The following PSD2 variants were observed in gnomAD, a reference collection of about 807,000 sequenced individuals.
PSD2 encodes the protein PH and SEC7 domain-containing protein 2.
A neutral mutation model predicts 69.8 loss-of-function variants in PSD2; 38 were observed. The observed-to-expected ratio is 0.54, with a 90% CI of 0.42 to 0.71. The LOEUF is 0.71. Ranked by LOEUF, PSD2 falls within the 30% of genes least tolerant of loss-of-function variation. The pLI, the probability that PSD2 is intolerant of heterozygous loss-of-function variation, is 0.00. For missense variants in PSD2, 943 were observed against 1,014.5 expected (o/e 0.93, Z 0.96); for synonymous variants, 412 against 423.0 (o/e 0.97, Z 0.32).
Position 139,795,931 on chromosome 5 carries a change from T to A in PSD2, c.-95T>A, listed in dbSNP as rs1359155066. ...GGACAGGCAGCCCGGCGGCCTCCGA[T>A]GGCCCCGCCGTGAGAGGCCGGACCC... is the stretch of plus-strand genomic sequence containing the variant. On this transcript the variant is annotated 5_prime_UTR_variant, in exon 1 of 15. An upstream start codon of the reference 5' UTR is lost. Transcript: ENST00000274710. The surrounding 1 kb of genome is among the most constrained non-coding windows in gnomAD (Gnocchi z 4.5). 3 of 150,100 alleles carry A rather than the reference T, an allele frequency of 2.0e-5. No homozygotes were observed. Among genetic ancestry groups the A allele is most frequent in the Non-Finnish European group, 4.5e-5 (3 of 67,220 alleles). The allele number at this position is 150,100 out of a possible 1,614,324, so 9.3% of individuals were successfully genotyped here. A position where few individuals can be genotyped will look rare whatever the true frequency, so the allele number is the denominator to read the frequency against.
rs1212505484 is a variant in PSD2, at chr5:139,843,981, G to A, written c.*1507G>A. Reference sequence around the variant, plus strand: ...CAGGCCCACTCACATTTGAGGCAAGGGGCTATTGAGTATGTGGAGAGATGT... The same window carrying A: ...CAGGCCCACTCACATTTGAGGCAAGAGGCTATTGAGTATGTGGAGAGATGT... On this transcript the variant is annotated 3_prime_UTR_variant, in exon 15 of 15. Coordinates refer to ENST00000274710, the MANE Select transcript of PSD2 (RefSeq NM_032289.4). 6.6e-6 allele frequency: 1 copy of A among 152,230 alleles called. No individual in the cohort carries two copies. Among genetic ancestry groups the A allele is most frequent in the East Asian group, 1.9e-4 (1 of 5,206 alleles). 9.4% of individuals were successfully genotyped at this position (152,230 alleles called of 1,614,324 possible). A position where few individuals can be genotyped will look rare whatever the true frequency, so the allele number is the denominator to read the frequency against.
In PSD2 at chr5:139,837,230, C is replaced by T. The variant is rs1760749688; in HGVS notation, c.1657C>T (p.Leu553=). ...AGTGCTCAAAGGGACCATCCTGTAC[C>T]TGCAGAAGGTGAGAGACTGCCCCAG... ...YAVLKGTILY[L]QKDEYRPDKA... Residue 553 remains leucine, a synonymous_variant, in exon 11 of 15, where the codon CTG becomes TTG. Coordinates refer to ENST00000274710, the MANE Select transcript of PSD2 (RefSeq NM_032289.4). The surrounding 1 kb of genome is among the most constrained non-coding windows in gnomAD (Gnocchi z 5.0). The T allele has an allele frequency of 3.1e-6, 5 of 1,613,950 alleles. No individual in the cohort carries two copies. The African/African-American group carries it at 4.0e-5, about 13-fold the overall frequency.
the PSD2 span, among the ~76,000 whole-genome samples, chr5:139,764,607 C>G: frequency 6.6e-6 from 1 of 152,198 alleles, no homozygotes; most frequent in Admixed American, 6.5e-5. Context: ...GCGCGCCGCC[C>G]TCCCCCGGCG....
At chr5:139,790,733 T>C in the PSD2 span, among the ~76,000 whole-genome samples, 4 of 152,156 alleles carry the variant, frequency 2.6e-5, no homozygotes, top group Non-Finnish European at 5.9e-5. Flanking sequence ...TCTAGCACCA[T>C]GTACAAACTT....
chr5:139,795,413 C>T (rs1042449394), upstream of PSD2, among the ~76,000 whole-genome samples: 39 of 152,064 alleles, frequency 2.6e-4, no homozygotes, highest in Non-Finnish European at 1.2e-4. The surrounding 1 kb of genome is among the most constrained non-coding windows in gnomAD (Gnocchi z 4.5). Context: ...GACCCGCCCC[C>T]TCCTTCACCT....
chr5:139,815,708 T>G (rs1005151660), intron 4 of PSD2, among the ~76,000 whole-genome samples: 26 of 152,244 alleles, frequency 1.7e-4, no homozygotes, highest in Non-Finnish European at 3.4e-4. Flanking sequence ...TTATGAAAAT[T>G]TCAGGCCGGG....
the PSD2 span, among the ~76,000 whole-genome samples, chr5:139,763,314 G>A: frequency 1.4e-4 from 22 of 152,056 alleles, no homozygotes; most frequent in African/African-American, 4.6e-4. Context: ...TGTTCTTCAC[G>A]TCACTCTGAA....
the PSD2 span, among the ~76,000 whole-genome samples, chr5:139,787,663 G>T: frequency 6.6e-6 from 1 of 152,232 alleles, no homozygotes; most frequent in African/African-American, 2.4e-5. Context: ...AGCCCCCGTC[G>T]CTGGCCTTCC....
the PSD2 span, among the ~76,000 whole-genome samples, chr5:139,763,916 C>T: frequency 6.6e-6 from 1 of 152,198 alleles, no homozygotes; most frequent in African/African-American, 2.4e-5. Context: ...CCTCCCTCAT[C>T]TGTGCTTCGG....
At chr5:139,829,467 C>T (rs760451858) in intron 7 of PSD2, among the ~76,000 whole-genome samples, 2 of 152,142 alleles carry the variant, frequency 1.3e-5, no homozygotes, top group Admixed American at 6.6e-5. Context: ...AAAAGGAAAC[C>T]CCATACCCAT....
At chr5:139,776,880 C>T in the PSD2 span, among the ~76,000 whole-genome samples, 5 of 152,168 alleles carry the variant, frequency 3.3e-5, no homozygotes, top group Admixed American at 6.6e-5. Flanking sequence ...CTAACCCTCC[C>T]GACAATGGGC....
chr5:139,808,625 T>C (rs1678679540), intron 1 of PSD2, among the ~76,000 whole-genome samples: 1 of 152,182 alleles, frequency 6.6e-6, no homozygotes, highest in East Asian at 1.9e-4. Flanking sequence ...GGGTGAGCTC[T>C]GATGGGGGCC....
At chr5:139,838,060 G>A (rs970437738) in intron 12 of PSD2, among the ~76,000 whole-genome samples, 1 of 152,226 alleles carries the variant, frequency 6.6e-6, no homozygotes. Context: ...TGCTGAGTGC[G>A]CTGGAGTCTG....
the PSD2 span, chr5:139,742,576 G>T: frequency 6.5e-6 from 1 of 152,702 alleles, no homozygotes; most frequent in Admixed American, 6.5e-5. Flanking sequence ...TGCTCAGGTA[G>T]GGCCATGAGT....
the PSD2 span, among the ~76,000 whole-genome samples, chr5:139,768,124 G>A: frequency 2.0e-5 from 3 of 152,340 alleles, no homozygotes; most frequent in Non-Finnish European, 4.4e-5. Context: ...CTGGGCAGCT[G>A]AACCTGGGGG....
At chr5:139,754,762 A>C in the PSD2 span, among the ~76,000 whole-genome samples, 1 of 152,144 alleles carries the variant, frequency 6.6e-6, no homozygotes, top group South Asian at 2.1e-4. Context: ...CTGTAATCCC[A>C]GCTACTTGGG....
At chr5:139,802,607 C>G (rs1226814782) in intron 1 of PSD2, among the ~76,000 whole-genome samples, 1 of 152,028 alleles carries the variant, frequency 6.6e-6, no homozygotes. Flanking sequence ...TTGACCAAGA[C>G]AGCTTAGTCC....
In PSD2 at chr5:139,837,169, G is replaced by A. The variant is rs779877878; in HGVS notation, c.1596G>A (p.Thr532=). 3.5e-5 allele frequency: 57 copies of A among 1,613,932 alleles called. No individual in the cohort carries two copies. Among genetic ancestry groups the A allele is most frequent in the East Asian group, 1.1e-4 (5 of 44,880 alleles). The change falls in exon 11 of 15, where the codon ACG becomes ACA. Residue 532 remains threonine (T), a splice_region_variant and synonymous_variant. Coordinates refer to ENST00000274710, the MANE Select transcript of PSD2 (RefSeq NM_032289.4). This position sits in a 1 kb window ranked among gnomAD's most constrained non-coding sequence, Gnocchi z 5.0. The part of the protein sequence containing the change: ...KTHADMDGKR[T]PRGRRGWKKF... ...CACTACCAGTGCCCTCCTCCCCAGC[G>A]CCCCGTGGGAGGCGTGGCTGGAAGA...
chr5:139,816,072 C>T (rs1760116894), intron 4 of PSD2, among the ~76,000 whole-genome samples: 1 of 151,670 alleles, frequency 6.6e-6, no homozygotes, highest in Non-Finnish European at 1.5e-5. Flanking sequence ...CTCTATATGC[C>T]CATTACTGAG....
Sources: gnomAD v4.1 joint callset for allele counts (sites outside exome capture counted in the v4.1 genomes callset) on GRCh38, gnomAD v4.1.1 for gene constraint, Gnocchi (gnomAD v3.1) non-coding constraint, MANE v1.5 for transcripts, NCBI Gene and HGNC (gene_info 2026-07-23, HGNC 2026-07-21) for gene names.